Variants in DAG1 observed in about 807,000 individuals in gnomAD.
The protein encoded by DAG1 is dystroglycan 1.
Under a neutral mutation model 46.1 loss-of-function variants are expected in DAG1, and 8 were observed. The observed-to-expected ratio is 0.17, with a 90% CI of 0.10 to 0.31. The LOEUF is 0.31. Ranked by LOEUF, DAG1 falls within the 10% of genes least tolerant of loss-of-function variation. The probability of loss-of-function intolerance (pLI) is 1.00; values close to 1 mark genes in which losing one functional copy is unlikely to be tolerated. For synonymous variants in DAG1, 495 were observed against 481.8 expected (o/e 1.03, Z -0.36); for missense variants, 1,003 against 1,189.9 (o/e 0.84, Z 2.31).
chr3:49,519,952 T>C (rs560003459), intron 2 of DAG1, among the ~76,000 whole-genome samples: 1 of 152,284 alleles, frequency 6.6e-6, no homozygotes, highest in East Asian at 1.9e-4. Flanking sequence ...CAGAAGGGCA[T>C]TGACTGGGCT....
intron 1 of DAG1, 64 bp downstream of exon 1, chr3:49,470,497 C>G (rs2049482692): frequency 6.6e-6 from 1 of 152,384 alleles, no homozygotes; most frequent in African/African-American, 2.4e-5. Flanking sequence ...CTGCTGCCGG[C>G]TGAGCCTTCC....
intron 2 of DAG1, among the ~76,000 whole-genome samples, chr3:49,511,196 G>A (rs1385507475): frequency 6.6e-6 from 1 of 152,162 alleles, no homozygotes; most frequent in Non-Finnish European, 1.5e-5. Flanking sequence ...TTTAAAATAA[G>A]ATATAAATAA....
At chr3:49,479,784 C>T (rs1451306689) in intron 1 of DAG1, among the ~76,000 whole-genome samples, 4 of 148,054 alleles carry the variant, frequency 2.7e-5, no homozygotes, top group Admixed American at 1.4e-4. Flanking sequence ...ATTACAGGCG[C>T]GCACCACCAC....
Position 49,532,257 on chromosome 3 carries a change from G to A in DAG1, c.1746G>A (p.Lys582=). ...AGTATTTCATGCATGCCACAGACAA[G>A]GGGGGCCTGTCGGCTGTGGATGCCT... ...KHEYFMHATD[K]GGLSAVDAFE... Residue 582 remains lysine, a synonymous_variant, in exon 3 of 3, where the codon AAG becomes AAA. Coordinates refer to ENST00000308775, the MANE Select transcript of DAG1 (RefSeq NM_004393.6). This position sits in a 1 kb window ranked among gnomAD's most constrained non-coding sequence, Gnocchi z 5.4. 3 of 1,613,972 alleles carry A rather than the reference G, an allele frequency of 1.9e-6. No homozygotes were observed. The highest frequency in any genetic ancestry group is 2.5e-6 in the Non-Finnish European group (3 of 1,179,860).
chr3:49,502,683 G>A (rs1051323330), intron 1 of DAG1, among the ~76,000 whole-genome samples: 4 of 148,644 alleles, frequency 2.7e-5, no homozygotes, highest in African/African-American at 7.5e-5. Context: ...CTGTCGCCTA[G>A]GCTGGAGTGC....
chr3:49,525,539 G>A (rs2051145606), intron 2 of DAG1, among the ~76,000 whole-genome samples: 1 of 150,688 alleles, frequency 6.6e-6, no homozygotes, highest in South Asian at 2.1e-4. Flanking sequence ...CAGGAGGAAG[G>A]CTGGGGGAGG....
chr3:49,518,991 G>A (rs1399543401), intron 2 of DAG1, among the ~76,000 whole-genome samples: 1 of 152,156 alleles, frequency 6.6e-6, no homozygotes, highest in East Asian at 1.9e-4. Context: ...AGCTACTTTT[G>A]GAGCTGAGAG....
At position 49,533,171 on chromosome 3, in the gene DAG1, G is replaced by A. The variant is rs776025512; in HGVS notation, c.2660G>A (p.Arg887Gln). Residue 887 changes from arginine (R) to glutamine (Q), a missense_variant, in exon 3 of 3, where the codon CGG (arginine) becomes CAG (glutamine). Physicochemically the swap from Arg to Gln is conservative, Grantham distance 43 (BLOSUM62 1). Transcript: ENST00000308775. ...CGTCCCAAGAACATGACCCCATACC[G>A]GTCACCTCCTCCCTATGTCCCACCT... Reference protein sequence around the residue: ...GSRPKNMTPYRSPPPYVPP With the variant: ...GSRPKNMTPYQSPPPYVPP 1.2e-5 allele frequency: 20 copies of A among 1,613,642 alleles called. No individual in the cohort carries two copies. The highest frequency in any genetic ancestry group is 2.7e-5 in the African/African-American group (2 of 74,914).
At chr3:49,478,431 CAAAAAATAA>C (rs1426511949) in intron 1 of DAG1, among the ~76,000 whole-genome samples, 6 of 64,898 alleles carry the variant, frequency 9.2e-5, no homozygotes, top group African/African-American at 1.3e-4. Context: ...CCTGTCTCTA[CAAAAAATAA>C]AAAAAAAAAA....
intron 2 of DAG1, among the ~76,000 whole-genome samples, chr3:49,519,010 C>T (rs1244385301): frequency 1.3e-5 from 2 of 152,202 alleles, no homozygotes; most frequent in African/African-American, 4.8e-5. Context: ...AGGACCCTTT[C>T]TCCTTATCAG....
rs184007047 is a variant in DAG1 at position 49,520,184 on chromosome 3, G to C, written c.285+9365G>C. Reference sequence around the variant, plus strand: ...AGCTAGAGGCTCTTCCTGTTGGTCTGTGCCATCTCCCTGCAGCACAGCCAT... The same window carrying C: ...AGCTAGAGGCTCTTCCTGTTGGTCTCTGCCATCTCCCTGCAGCACAGCCAT... On this transcript the variant is annotated intron_variant, in intron 2 of 2. Transcript: ENST00000308775. Among the ~76,000 whole-genome samples, 5 of 152,352 alleles carry C rather than the reference G, an allele frequency of 3.3e-5. No individual in the cohort carries two copies. The East Asian group carries it at 9.6e-4, about 29-fold the overall frequency.
Position 49,489,200 on chromosome 3 carries a change from ATTC to A in DAG1, c.-117+18769_-117+18771del, listed in dbSNP as rs973061940. ...AACCTCTGCCTCCCGGATTCAAGCG[ATTC>A]TGCCTCAGCCTCCCGAATAGCTGGG... On this transcript the variant is annotated intron_variant, in intron 1 of 2. Coordinates refer to ENST00000308775, the MANE Select transcript of DAG1 (RefSeq NM_004393.6). Among the ~76,000 whole-genome samples the A allele has an allele frequency of 1.4e-4, 21 of 151,728 alleles. No homozygotes were observed. The South Asian group carries it at 1.7e-3, about 12-fold the overall frequency.
At chr3:49,472,671 G>T (rs1352037181) in intron 1 of DAG1, among the ~76,000 whole-genome samples, 2 of 152,146 alleles carry the variant, frequency 1.3e-5, no homozygotes, top group Non-Finnish European at 2.9e-5. Context: ...GCCGGGCGTG[G>T]TGGTGGGCAC....
At chr3:49,491,452 A>G (rs2050181855) in intron 1 of DAG1, among the ~76,000 whole-genome samples, 2 of 151,510 alleles carry the variant, frequency 1.3e-5, no homozygotes, top group African/African-American at 2.4e-5. Context: ...CAGGGATCAT[A>G]GGCACCTGCC....
intron 2 of DAG1, among the ~76,000 whole-genome samples, chr3:49,529,477 T>G (rs1243348243): frequency 6.6e-6 from 1 of 152,062 alleles, no homozygotes; most frequent in South Asian, 2.1e-4. Flanking sequence ...AAGTACTTTG[T>G]TTTTTGGCAG....
intron 1 of DAG1, among the ~76,000 whole-genome samples, chr3:49,480,402 A>G (rs1161663129): frequency 6.7e-6 from 1 of 150,094 alleles, no homozygotes; most frequent in African/African-American, 2.5e-5. Context: ...CAGCCTCCCG[A>G]GTAGCTGGGA....
At chr3:49,471,459 AAG>A (rs1174883173) in intron 1 of DAG1, among the ~76,000 whole-genome samples, 1 of 152,242 alleles carries the variant, frequency 6.6e-6, no homozygotes, top group Non-Finnish European at 1.5e-5. Flanking sequence ...TGTTCTAAAA[AAG>A]AATTCAACCG....
intron 1 of DAG1, among the ~76,000 whole-genome samples, chr3:49,478,273 CAAAAAAAAAAAAA>C (rs71278644): frequency 1.1e-5 from 1 of 90,006 alleles, no homozygotes; most frequent in Non-Finnish European, 2.1e-5. Context: ...GACTCTGTCT[CAAAAAAAAAAAAA>C]AAAGAAAAAA....
chr3:49,488,156 T>A (rs2107254494), intron 1 of DAG1, among the ~76,000 whole-genome samples: 1 of 152,292 alleles, frequency 6.6e-6, no homozygotes, highest in Non-Finnish European at 1.5e-5. Flanking sequence ...CAGATTGAAT[T>A]TATGACACCT....
Sources: allele counts gnomAD v4.1 joint callset (sites outside exome capture counted in the v4.1 genomes callset), GRCh38; gene constraint gnomAD v4.1.1; non-coding constraint Gnocchi (gnomAD v3.1); transcripts MANE v1.5; gene names NCBI Gene and HGNC (gene_info 2026-07-23, HGNC 2026-07-21).